Variants in HERC4 observed in about 807,000 individuals in gnomAD.
The protein encoded by HERC4 is HECT and RLD domain containing E3 ubiquitin protein ligase 4.
A neutral mutation model predicts 124.3 loss-of-function variants in HERC4; 28 were observed. The ratio of observed to expected loss-of-function variants is 0.23; its 90% confidence interval spans 0.17 to 0.31. The LOEUF is 0.31. Ranked by LOEUF, HERC4 falls within the 10% of genes least tolerant of loss-of-function variation. The pLI is 1.00. For missense variants in HERC4, 713 were observed against 1,229.3 expected, an observed-to-expected ratio of 0.58 and a Z score of 6.28; for synonymous variants, 407 against 421.5, an observed-to-expected ratio of 0.97 and a Z score of 0.42.
intron 9 of HERC4, among the ~76,000 whole-genome samples, chr10:68,006,738 T>C (rs1322022250): frequency 2.0e-5 from 3 of 152,158 alleles, no homozygotes; most frequent in African/African-American, 7.2e-5. Flanking sequence ...GAAGGATATT[T>C]TCAGTGGATA....
At chr10:67,943,219 T>TGTTTAA (rs1307108557) in intron 19 of HERC4, among the ~76,000 whole-genome samples, 1 of 152,264 alleles carries the variant, frequency 6.6e-6, no homozygotes, top group Non-Finnish European at 1.5e-5. Flanking sequence ...GTCTTAATTC[T>TGTTTAA]GTTTAAGTTT....
At chr10:67,927,716 CGCCCG>C (rs2031293679) in intron 23 of HERC4, among the ~76,000 whole-genome samples, 1 of 152,000 alleles carries the variant, frequency 6.6e-6, no homozygotes. Flanking sequence ...TGAGCCACTG[CGCCCG>C]GCCGCTACAA....
intron 3 of HERC4, among the ~76,000 whole-genome samples, chr10:68,048,323 T>C (rs1195397939): frequency 1.3e-5 from 2 of 152,076 alleles, no homozygotes; most frequent in Non-Finnish European, 2.9e-5. Context: ...ATCCAGACAA[T>C]GGAATACTTA....
chr10:68,070,187 T>A, intron 3 of HERC4: 1 of 984,890 alleles, frequency 1.0e-6, no homozygotes, highest in Middle Eastern at 5.2e-4. Flanking sequence ...TATCTTTTAA[T>A]CCAGTCCTCA....
chr10:67,926,842 T>G (rs1281909991), intron 23 of HERC4, among the ~76,000 whole-genome samples: 1 of 152,230 alleles, frequency 6.6e-6, no homozygotes, highest in Non-Finnish European at 1.5e-5. Context: ...TAAACTCTTT[T>G]TCACTGTATT....
At chr10:67,937,157 A>C (rs999280803) in intron 21 of HERC4, among the ~76,000 whole-genome samples, 2 of 152,166 alleles carry the variant, frequency 1.3e-5, no homozygotes, top group African/African-American at 2.4e-5. Context: ...AAAAAATTAG[A>C]TATTACAATA....
chr10:67,959,757 A>G (rs1235457633), intron 16 of HERC4, among the ~76,000 whole-genome samples: 4 of 152,212 alleles, frequency 2.6e-5, no homozygotes, highest in African/African-American at 4.8e-5. Flanking sequence ...TGAAGAGAGA[A>G]AGATATATTT....
At chr10:67,990,124 A>G in intron 14 of HERC4, 87 bp downstream of exon 14, 1 of 1,066,398 alleles carries the variant, frequency 9.4e-7, no homozygotes, top group East Asian at 2.6e-5. Context: ...TAAGCAGGGC[A>G]GCAGAACTGC....
intron 9 of HERC4, chr10:67,994,056 T>C (rs1423453060): frequency 6.6e-6 from 1 of 152,236 alleles, no homozygotes; most frequent in Non-Finnish European, 1.5e-5. Context: ...AATTGTTATC[T>C]AGGTTATACC....
intron 21 of HERC4, 27 bp from the exon 22 acceptor site, chr10:67,936,262 T>G: frequency 7.3e-7 from 1 of 1,371,188 alleles, no homozygotes; most frequent in Non-Finnish European, 1.0e-6. Context: ...TTAAAAAAAG[T>G]CAATGTCAGA....
intron 23 of HERC4, among the ~76,000 whole-genome samples, chr10:67,926,916 T>C (rs2031046752): frequency 1.3e-5 from 2 of 152,242 alleles, no homozygotes; most frequent in Non-Finnish European, 2.9e-5. Flanking sequence ...ACCATGTCTC[T>C]ATCTTATTTC....
intron 19 of HERC4, among the ~76,000 whole-genome samples, chr10:67,946,500 A>G (rs1225332121): frequency 2.0e-5 from 3 of 152,086 alleles, no homozygotes; most frequent in South Asian, 2.1e-4. Flanking sequence ...AATGTTAACT[A>G]TTTTGTCTAA....
At chr10:67,968,734 A>G (rs989648516) in intron 15 of HERC4, among the ~76,000 whole-genome samples, 1 of 151,884 alleles carries the variant, frequency 6.6e-6, no homozygotes, top group African/African-American at 2.4e-5. Context: ...AAAGGGGCAT[A>G]TTTCATAATA....
intron 23 of HERC4, among the ~76,000 whole-genome samples, chr10:67,926,465 G>A (rs1233211077): frequency 6.6e-6 from 1 of 151,672 alleles, no homozygotes; most frequent in Non-Finnish European, 1.5e-5. Context: ...AAGCAGGTAG[G>A]AAGTAGAGAG....
chr10:67,952,012 A>G (rs2033828289), intron 19 of HERC4, among the ~76,000 whole-genome samples: 1 of 152,096 alleles, frequency 6.6e-6, no homozygotes, highest in Non-Finnish European at 1.5e-5. Flanking sequence ...GCCCATACCC[A>G]TGGTTATATC....
At position 67,940,466 on chromosome 10, in the gene HERC4, C is replaced by G. The variant is rs369110280; in HGVS notation, c.2504+473G>C. On this transcript the variant is annotated intron_variant, in intron 20 of 24. Coordinates refer to ENST00000373700, the MANE Select transcript of HERC4 (RefSeq NM_015601.4). The stretch of plus-strand genomic sequence containing the variant: ...ATGGAGTCTTGCTCTGTCACCCAGG[C>G]TGGAGTGAAATGGCGCAATCTGGGC... 2.0e-5 allele frequency among the ~76,000 whole-genome samples: 3 copies of G among 152,060 alleles called. No homozygotes were observed. In the East Asian group the frequency reaches 5.8e-4, roughly 29 times the overall value.
chr10:68,010,972 T>C lies in HERC4; in HGVS notation c.1069+3054A>G, dbSNP rs2037916901. 11 of 884,294 alleles carry C rather than the reference T, an allele frequency of 1.2e-5. 1 individual carries two copies. Among genetic ancestry groups the C allele is most frequent in the Admixed American group, 2.1e-5 (1 of 47,044 alleles). The allele number at this position is 884,294 out of a possible 1,614,324, so 54.8% of individuals were successfully genotyped here. A position where few individuals can be genotyped will look rare whatever the true frequency, so the allele number is the denominator to read the frequency against. On this transcript the variant is annotated intron_variant, in intron 9 of 24. Coordinates refer to ENST00000373700, the MANE Select transcript of HERC4 (RefSeq NM_015601.4). ...TCTCTTGTTATTTCCACCATATCTA[T>C]AGTTAAGTTCTTCGAATGAAGTCTT...
At chr10:67,941,669 CTTTTTTTTTTTTTTT>C (rs755666986) in intron 19 of HERC4, among the ~76,000 whole-genome samples, 2 of 91,770 alleles carry the variant, frequency 2.2e-5, no homozygotes, top group East Asian at 4.9e-4. Flanking sequence ...TAAAACACAA[CTTTTTTTTTTTTTTT>C]TTTTTTTTTT....
chr10:67,933,152 A>T (rs912954136), intron 22 of HERC4, among the ~76,000 whole-genome samples: 8 of 152,214 alleles, frequency 5.3e-5, no homozygotes, highest in African/African-American at 1.9e-4. Flanking sequence ...TCTGTTACAA[A>T]CAATAGGTGA....
Sources: gnomAD v4.1 joint callset for allele counts (sites outside exome capture counted in the v4.1 genomes callset) on GRCh38, gnomAD v4.1.1 for gene constraint, MANE v1.5 for transcripts, NCBI Gene and HGNC (gene_info 2026-07-23, HGNC 2026-07-21) for gene names.